The following LIN28B variants were observed in gnomAD, a reference collection of about 807,000 sequenced individuals.
The protein encoded by LIN28B is lin-28 RNA binding posttranscriptional regulator B, also known as protein lin-28 homolog B.
In LIN28B, 5 loss-of-function variants were observed where a neutral mutation model predicts 21.9. That is an observed-to-expected ratio of 0.23 (90% confidence interval 0.12 to 0.48). The LOEUF (loss-of-function observed/expected upper bound fraction) is 0.48, where lower values mean the gene tolerates loss of function less well. Ranked by LOEUF, LIN28B falls within the 20% of genes least tolerant of loss-of-function variation. LIN28B has a pLI of 0.98. For synonymous variants in LIN28B, 109 were observed against 111.3 expected (o/e 0.98, Z 0.13); for missense variants, 245 against 310.5 (o/e 0.79, Z 1.58).
intron 2 of LIN28B, among the ~76,000 whole-genome samples, chr6:104,992,934 T>C (rs1311603493): frequency 6.6e-6 from 1 of 152,156 alleles, no homozygotes; most frequent in African/African-American, 2.4e-5. Context: ...CAGACAACTT[T>C]GAATTATTAC....
chr6:105,083,226 T>A lies in LIN28B; in HGVS notation c.*4443T>A, dbSNP rs1772571200. 1 of 152,554 alleles carries A rather than the reference T, an allele frequency of 6.6e-6. No individual in the cohort carries two copies. Among genetic ancestry groups the A allele is most frequent in the South Asian group, 2.1e-4 (1 of 4,822 alleles). 9.5% of individuals were successfully genotyped at this position (152,554 alleles called of 1,614,324 possible). On this transcript the variant is annotated 3_prime_UTR_variant, in exon 4 of 4. Transcript: ENST00000345080. ...TGTTTGCCTTTCTGTACACTCTGGG[T>A]TTTATATTCTCATTTCATGCCTAAT... is the stretch of plus-strand genomic sequence containing the variant.
chr6:105,037,254 C>T (rs1001899345), intron 3 of LIN28B, among the ~76,000 whole-genome samples: 5 of 152,088 alleles, frequency 3.3e-5, no homozygotes, highest in African/African-American at 1.2e-4. Context: ...ATCCCAAACC[C>T]CAGTAACAAT....
At chr6:105,003,842 G>A (rs974336084) in intron 2 of LIN28B, among the ~76,000 whole-genome samples, 1 of 152,132 alleles carries the variant, frequency 6.6e-6, no homozygotes, top group Non-Finnish European at 1.5e-5. Context: ...ATTTTACAAA[G>A]CAATAATTTT....
intron 2 of LIN28B, among the ~76,000 whole-genome samples, chr6:104,947,770 C>CTTT (rs59977710): frequency 7.4e-5 from 10 of 135,200 alleles, no homozygotes; most frequent in Non-Finnish European, 1.1e-4. Context: ...ATTTTGCGTA[C>CTTT]TTTTTTTTTT....
At chr6:104,978,178 G>C (rs1770143223) in intron 2 of LIN28B, among the ~76,000 whole-genome samples, 1 of 152,098 alleles carries the variant, frequency 6.6e-6, no homozygotes, top group African/African-American at 2.4e-5. Flanking sequence ...TTTTTCAGTG[G>C]AAAAGATGGT....
In LIN28B at chr6:105,080,245, T is replaced by G. The variant is rs76284576; in HGVS notation, c.*1462T>G. On this transcript the variant is annotated 3_prime_UTR_variant, in exon 4 of 4. Transcript: ENST00000345080. ...GGGGTCATCCTGGCTCTAGATGTTATGGGCAAATTTCTGAAACATCTGCAA... is the reference window on the plus strand; with the variant it reads ...GGGGTCATCCTGGCTCTAGATGTTAGGGGCAAATTTCTGAAACATCTGCAA... 1 of 152,598 alleles carries G rather than the reference T, an allele frequency of 6.6e-6. No homozygotes were observed. The highest frequency in any genetic ancestry group is 1.5e-5 in the Non-Finnish European group (1 of 68,036). The allele number at this position is 152,598 out of a possible 1,614,324, so 9.5% of individuals were successfully genotyped here.
intron 2 of LIN28B, among the ~76,000 whole-genome samples, chr6:104,970,569 A>T (rs1240709694): frequency 6.6e-6 from 1 of 152,150 alleles, no homozygotes. Context: ...TACTAAATAG[A>T]TTTTTAAAAT....
intron 3 of LIN28B, among the ~76,000 whole-genome samples, chr6:105,063,987 T>C (rs1404611408): frequency 1.3e-5 from 2 of 151,546 alleles, no homozygotes; most frequent in African/African-American, 2.4e-5. Context: ...TTTCAAGATA[T>C]AGGAAAAACA....
chr6:104,997,236 G>A (rs536273466), intron 2 of LIN28B, among the ~76,000 whole-genome samples: 25 of 148,730 alleles, frequency 1.7e-4, no homozygotes, highest in South Asian at 6.4e-4. Context: ...AGCCAAGATC[G>A]CGCCACTGCA....
chr6:105,029,373 A>G (rs1480001781), intron 3 of LIN28B, among the ~76,000 whole-genome samples: 1 of 152,206 alleles, frequency 6.6e-6, no homozygotes, highest in Non-Finnish European at 1.5e-5. Context: ...GGGTGACAGT[A>G]TTGGGATTTA....
At chr6:105,004,031 T>G (rs442010) in intron 2 of LIN28B, among the ~76,000 whole-genome samples, 3 of 152,036 alleles carry the variant, frequency 2.0e-5, no homozygotes. Context: ...AAAGCCAGTC[T>G]GAGTCCCAAA....
chr6:105,063,638 G>T (rs1004486301), intron 3 of LIN28B, among the ~76,000 whole-genome samples: 10 of 100,790 alleles, frequency 9.9e-5, no homozygotes, highest in African/African-American at 4.8e-4. Flanking sequence ...TCCATCTCGG[G>T]GGGGGGGGGG....
At chr6:104,937,456 G>T (rs1033737040) in intron 2 of LIN28B, among the ~76,000 whole-genome samples, 1 of 151,946 alleles carries the variant, frequency 6.6e-6, no homozygotes, top group African/African-American at 2.4e-5. Flanking sequence ...TTGTAGAGAC[G>T]GTTTCACCAT....
At chr6:105,046,486 T>C (rs933961253) in intron 3 of LIN28B, among the ~76,000 whole-genome samples, 6 of 152,250 alleles carry the variant, frequency 3.9e-5, no homozygotes, top group African/African-American at 1.4e-4. Flanking sequence ...TACATATGCA[T>C]GTGTCTTTAT....
At chr6:104,957,554 CTT>C (rs1175031415) in intron 1 of LIN28B, among the ~76,000 whole-genome samples, 6 of 150,620 alleles carry the variant, frequency 4.0e-5, no homozygotes, top group Admixed American at 3.3e-4. Flanking sequence ...TCCAAGAAAA[CTT>C]TTATACACCT....
chr6:104,974,051 A>G (rs557085844), intron 2 of LIN28B, among the ~76,000 whole-genome samples: 2 of 152,352 alleles, frequency 1.3e-5, no homozygotes, highest in South Asian at 4.1e-4. Flanking sequence ...TTTACCTAGA[A>G]GAAGGCTTTT....
At chr6:104,962,054 G>A (rs574375918) in intron 2 of LIN28B, among the ~76,000 whole-genome samples, 1 of 152,188 alleles carries the variant, frequency 6.6e-6, no homozygotes, top group East Asian at 1.9e-4. Flanking sequence ...CTAATAAGAT[G>A]AAATGATCAT....
intron 2 of LIN28B, among the ~76,000 whole-genome samples, chr6:105,016,265 T>C (rs1453246766): frequency 6.6e-6 from 1 of 152,170 alleles, no homozygotes; most frequent in East Asian, 1.9e-4. Context: ...AAATACTCTA[T>C]CATAAAAGCA....
chr6:104,957,305 T>G (rs1778303806), intron 1 of LIN28B, 45 bp downstream of exon 1: 1 of 1,437,454 alleles, frequency 7.0e-7, no homozygotes, highest in African/African-American at 1.4e-5. Context: ...TCTTTCTTCT[T>G]TTCTCCTCCC....
Sources: gnomAD v4.1 joint callset for allele counts (sites outside exome capture counted in the v4.1 genomes callset) on GRCh38, gnomAD v4.1.1 for gene constraint, MANE v1.5 for transcripts, NCBI Gene and HGNC (gene_info 2026-07-23, HGNC 2026-07-21) for gene names.